DCDC1: variants seen among roughly 807,000 people sequenced by gnomAD.
DCDC1 encodes doublecortin domain containing 1.
Under a neutral mutation model 178.3 loss-of-function variants are expected in DCDC1, and 200 were observed. The ratio of observed to expected loss-of-function variants is 1.12; its 90% CI spans 1.00 to 1.26. The LOEUF (loss-of-function observed/expected upper bound fraction) is 1.26, where lower values mean the gene tolerates loss of function less well. Among genes scored for constraint, DCDC1 ranks in the 50% most tolerant of loss-of-function variants. The probability of loss-of-function intolerance (pLI) is 0.00; values close to 1 mark genes in which losing one functional copy is unlikely to be tolerated. For synonymous variants in DCDC1, 690 were observed against 604.8 expected (o/e 1.14, Z -2.07); for missense variants, 1,983 against 1,749.2 (o/e 1.13, Z -2.38).
At position 30,863,976 on chromosome 11, in the gene DCDC1, A is replaced by C. The variant is rs1940810050; in HGVS notation, c.*1397T>G. Reference sequence around the variant, plus strand: ...ACCCCATCTCTACTAAAAATACAAAAGTTAGCTGGGTGTGGTGGCAGGCGC... The same window carrying C: ...ACCCCATCTCTACTAAAAATACAAACGTTAGCTGGGTGTGGTGGCAGGCGC... On this transcript the variant is annotated 3_prime_UTR_variant, in exon 39 of 39. Coordinates refer to ENST00000684477, the MANE Select transcript of DCDC1 (RefSeq NM_001387274.1). The C allele has an allele frequency of 2.0e-5, 3 of 152,096 alleles. No individual in the cohort carries two copies. Among genetic ancestry groups the C allele is most frequent in the African/African-American group, 7.3e-5 (3 of 41,362 alleles). 9.4% of individuals were successfully genotyped at this position (152,096 alleles called of 1,614,324 possible).
intron 20 of DCDC1, among the ~76,000 whole-genome samples, chr11:31,049,058 A>G (rs535205564): frequency 4.6e-5 from 7 of 152,296 alleles, no homozygotes; most frequent in African/African-American, 1.7e-4. Context: ...TAATTCTGAG[A>G]CACGGCCTAT....
intron 9 of DCDC1, among the ~76,000 whole-genome samples, chr11:31,189,017 T>C (rs182757435): frequency 5.3e-4 from 80 of 152,288 alleles, no homozygotes; most frequent in Non-Finnish European, 1.8e-4. Context: ...GTGCCATCTT[T>C]GGAGCAGAGA....
At chr11:31,330,082 G>C (rs1381909687) in intron 2 of DCDC1, among the ~76,000 whole-genome samples, 1 of 152,072 alleles carries the variant, frequency 6.6e-6, no homozygotes, top group East Asian at 1.9e-4. Flanking sequence ...ACTTTTTAAT[G>C]ATCGCCATTC....
intron 20 of DCDC1, among the ~76,000 whole-genome samples, chr11:31,009,581 G>A (rs748133063): frequency 9.2e-5 from 14 of 152,018 alleles, no homozygotes; most frequent in Non-Finnish European, 1.5e-4. Context: ...TGAGAATCAG[G>A]AGTGCTGATG....
chr11:31,250,421 CATATATATGTAT>C (rs1943930055), intron 8 of DCDC1, among the ~76,000 whole-genome samples: 2 of 52,868 alleles, frequency 3.8e-5, no homozygotes, highest in Admixed American at 1.9e-4. Flanking sequence ...CACACATATA[CATATATATGTAT>C]ATATATATAT....
In DCDC1 at chr11:30,922,545, T is replaced by C. The variant is rs747284927; in HGVS notation, c.3091A>G (p.Ile1031Val). ...CTGCAGAAGATTTGAATTTTGGCAA[T>C]GTCTGATTCTAGGTTCCTCAGGAAT... ...QIFLRNLESD[I>V]AKIQIFCSTH... The change falls in exon 24 of 39, where the codon ATT becomes GTT. Residue 1031 changes from isoleucine (I) to valine (V), a missense_variant. Physicochemically the swap from Ile to Val is conservative, Grantham distance 29 (BLOSUM62 3). Coordinates refer to ENST00000684477, the MANE Select transcript of DCDC1 (RefSeq NM_001387274.1). The C allele has an allele frequency of 3.8e-6, 6 of 1,582,164 alleles. No homozygotes were observed. The highest frequency in any genetic ancestry group is 1.9e-5 in the Admixed American group (1 of 52,358).
intron 9 of DCDC1, among the ~76,000 whole-genome samples, chr11:31,150,117 G>A (rs192395239): frequency 6.6e-6 from 1 of 152,132 alleles, no homozygotes; most frequent in South Asian, 2.1e-4. Flanking sequence ...TTTAATTATG[G>A]CCATTCTTCC....
intron 7 of DCDC1, among the ~76,000 whole-genome samples, chr11:31,269,384 C>CTTTTT (rs11370444): frequency 2.0e-5 from 3 of 148,830 alleles, no homozygotes; most frequent in Non-Finnish European, 3.0e-5. Context: ...TTGTTAATTC[C>CTTTTT]TTTTTTTTTT....
At chr11:30,946,520 TA>T (rs1948066307) in intron 21 of DCDC1, among the ~76,000 whole-genome samples, 1 of 152,242 alleles carries the variant, frequency 6.6e-6, no homozygotes, top group South Asian at 2.1e-4. Context: ...GTTGCTTCAC[TA>T]AAGTCTAAGT....
intron 9 of DCDC1, among the ~76,000 whole-genome samples, chr11:31,175,874 C>A (rs1318437628): frequency 6.6e-6 from 1 of 152,168 alleles, no homozygotes; most frequent in African/African-American, 2.4e-5. Context: ...ATGCACCCTA[C>A]CCAACAGACA....
At chr11:31,303,583 T>A (rs1452970521) in intron 6 of DCDC1, among the ~76,000 whole-genome samples, 5 of 152,152 alleles carry the variant, frequency 3.3e-5, no homozygotes, top group African/African-American at 9.7e-5. Flanking sequence ...GTGAGTGATA[T>A]GTAATATATC....
At chr11:30,921,227 C>T (rs1250668646) in intron 24 of DCDC1, among the ~76,000 whole-genome samples, 5 of 152,160 alleles carry the variant, frequency 3.3e-5, no homozygotes, top group Non-Finnish European at 7.3e-5. Context: ...CTAGATCATT[C>T]TCTGGGATCC....
At chr11:31,358,653 C>G (rs1191666096) in intron 1 of DCDC1, among the ~76,000 whole-genome samples, 2 of 152,048 alleles carry the variant, frequency 1.3e-5, no homozygotes, top group African/African-American at 4.8e-5. Flanking sequence ...GAACAGGCAA[C>G]CTACAAAATG....
intron 29 of DCDC1, among the ~76,000 whole-genome samples, chr11:30,907,677 C>T (rs375561448): frequency 2.9e-4 from 44 of 152,206 alleles, no homozygotes; most frequent in East Asian, 2.1e-3. Flanking sequence ...TGGTGAGGGA[C>T]GCCATCTTTG....
chr11:31,140,806 G>C (rs1428314248), intron 9 of DCDC1, among the ~76,000 whole-genome samples: 1 of 152,126 alleles, frequency 6.6e-6, no homozygotes, highest in Non-Finnish European at 1.5e-5. Flanking sequence ...AGATTCCAAT[G>C]AAACAATTTC....
intron 9 of DCDC1, among the ~76,000 whole-genome samples, chr11:31,172,537 TC>T (rs1374994227): frequency 2.6e-5 from 4 of 152,176 alleles, no homozygotes; most frequent in Non-Finnish European, 5.9e-5. Flanking sequence ...TCAAAAATCC[TC>T]ATATAACCTT....
intron 20 of DCDC1, among the ~76,000 whole-genome samples, chr11:30,974,947 G>C (rs182201170): frequency 7.9e-5 from 12 of 152,188 alleles, no homozygotes; most frequent in Admixed American, 4.6e-4. Context: ...CAATATCCTT[G>C]ATGAATTTAG....
chr11:31,071,602 ATT>A (rs1446281013), intron 18 of DCDC1, among the ~76,000 whole-genome samples: 1 of 152,054 alleles, frequency 6.6e-6, no homozygotes, highest in Non-Finnish European at 1.5e-5. Flanking sequence ...TCGTTGTTAT[ATT>A]TGTGGTCTTT....
At chr11:31,148,670 T>C (rs1232938855) in intron 9 of DCDC1, among the ~76,000 whole-genome samples, 1 of 151,642 alleles carries the variant, frequency 6.6e-6, no homozygotes, top group East Asian at 1.9e-4. Flanking sequence ...AATATTATGA[T>C]GGTTTCTTTT....
Sources: gnomAD v4.1 joint callset for allele counts (sites outside exome capture counted in the v4.1 genomes callset) on GRCh38, gnomAD v4.1.1 for gene constraint, MANE v1.5 for transcripts, NCBI Gene and HGNC (gene_info 2026-07-23, HGNC 2026-07-21) for gene names.